The following PPP1R9A variants were observed in gnomAD, a reference collection of about 807,000 sequenced individuals.
PPP1R9A encodes protein phosphatase 1 regulatory subunit 9A, also known as neurabin-1.
PPP1R9A carries 59 observed loss-of-function variants against 141.9 expected under a neutral mutation model. The ratio of observed to expected loss-of-function variants is 0.42; its 90% CI spans 0.34 to 0.52. The LOEUF is 0.52. Among genes scored for constraint, PPP1R9A ranks in the 20% least tolerant of loss-of-function variants. PPP1R9A has a pLI of 0.10. For missense variants in PPP1R9A, 1,444 were observed against 1,611.9 expected, an observed-to-expected ratio of 0.90 and a Z score of 1.78; for synonymous variants, 500 against 569.7, an observed-to-expected ratio of 0.88 and a Z score of 1.74.
chr7:95,141,637 C>CT (rs36005027), intron 4 of PPP1R9A, among the ~76,000 whole-genome samples: 11 of 148,504 alleles, frequency 7.4e-5, no homozygotes, highest in Non-Finnish European at 1.2e-4. Flanking sequence ...TTGTGACTGG[C>CT]TTTTTTTTTT....
chr7:95,051,241 T>C (rs944210028), intron 2 of PPP1R9A, among the ~76,000 whole-genome samples: 1 of 152,126 alleles, frequency 6.6e-6, no homozygotes, highest in African/African-American at 2.4e-5. Context: ...TTGAAAAGAC[T>C]GTCTTTTCTC....
At chr7:94,943,264 G>C (rs568722765) in intron 2 of PPP1R9A, among the ~76,000 whole-genome samples, 3 of 152,180 alleles carry the variant, frequency 2.0e-5, no homozygotes, top group African/African-American at 7.2e-5. Flanking sequence ...TCCCCAGAGG[G>C]GTATAGCTTT....
intron 3 of PPP1R9A, among the ~76,000 whole-genome samples, chr7:95,113,866 G>A (rs1014255490): frequency 1.3e-5 from 2 of 152,018 alleles, no homozygotes; most frequent in African/African-American, 2.4e-5. Flanking sequence ...AAACTATGAA[G>A]TATTAAACAT....
rs754484538 is a variant in PPP1R9A, at chr7:94,910,153, A to T, written c.40A>T (p.Arg14Ter). The change falls in exon 2 of 20, where the codon AGA becomes TGA. Residue 14 changes from arginine to a stop codon, truncating the protein, a stop_gained. Coordinates refer to ENST00000433360, the MANE Select transcript of PPP1R9A (RefSeq NM_001166160.2). LOFTEE classifies it high-confidence loss of function. This position sits in a 1 kb window ranked among gnomAD's most constrained non-coding sequence, Gnocchi z 4.5. ...TESSGERTTLRSASPHRNAYR... is the reference protein window; with the variant it reads ...TESSGERTTL ...GTCTTCAGGTGAACGAACCACTCTC[A>T]GAAGTGCCTCTCCTCACAGGAATGC... 1 of 1,613,912 alleles carries T rather than the reference A, an allele frequency of 6.2e-7. No homozygotes were observed. The highest frequency in any genetic ancestry group is 8.5e-7 in the Non-Finnish European group (1 of 1,179,886).
chr7:94,984,263 G>A (rs1447477032), intron 2 of PPP1R9A, among the ~76,000 whole-genome samples: 4 of 152,168 alleles, frequency 2.6e-5, no homozygotes, highest in Non-Finnish European at 5.9e-5. Flanking sequence ...TTGCATCAAT[G>A]TTCGTCAGGG....
chr7:95,068,080 T>C (rs553014593), intron 2 of PPP1R9A, among the ~76,000 whole-genome samples: 1 of 151,830 alleles, frequency 6.6e-6, no homozygotes, highest in African/African-American at 2.4e-5. Flanking sequence ...AAAAAAAAAC[T>C]GGATATGTGG....
intron 16 of PPP1R9A, among the ~76,000 whole-genome samples, chr7:95,276,722 G>T (rs1333782693): frequency 6.6e-6 from 1 of 151,958 alleles, no homozygotes; most frequent in Non-Finnish European, 1.5e-5. Flanking sequence ...AATTATAGTA[G>T]AATTTTGGCA....
upstream of PPP1R9A, chr7:94,907,270 G>A (rs931945958): frequency 6.6e-6 from 1 of 152,310 alleles, no homozygotes; most frequent in Admixed American, 6.5e-5. Context: ...GACAGGAAAG[G>A]TAGAAGACCT....
intron 9 of PPP1R9A, 31 bp from the exon 10 acceptor site, chr7:95,249,995 T>G: frequency 6.5e-7 from 1 of 1,529,096 alleles, no homozygotes; most frequent in Non-Finnish European, 8.8e-7. Context: ...AGTGGCCAAA[T>G]TATCTTTGCC....
At chr7:95,016,652 G>GA (rs1805153578) in intron 2 of PPP1R9A, among the ~76,000 whole-genome samples, 1 of 152,064 alleles carries the variant, frequency 6.6e-6, no homozygotes, top group African/African-American at 2.4e-5. Flanking sequence ...ATTTATTAAA[G>GA]AAAAATTAGG....
At chr7:95,159,302 T>G (rs1401410874) in intron 4 of PPP1R9A, among the ~76,000 whole-genome samples, 1 of 152,218 alleles carries the variant, frequency 6.6e-6, no homozygotes, top group East Asian at 1.9e-4. Context: ...AAGAGAGGTA[T>G]ACATCATAAT....
At chr7:95,091,303 G>A (rs955221992) in intron 2 of PPP1R9A, among the ~76,000 whole-genome samples, 2 of 146,978 alleles carry the variant, frequency 1.4e-5, no homozygotes, top group African/African-American at 5.0e-5. Flanking sequence ...GTGTATTAGA[G>A]TGAGTTGGTC....
rs145494767 is a variant in PPP1R9A at position 95,169,557 on chromosome 7, G to A, written c.1754+7586G>A. Among the ~76,000 whole-genome samples, 163 of 152,032 alleles carry A rather than the reference G, an allele frequency of 1.1e-3. 3 individuals carry two copies. The East Asian group carries it at 0.03, about 28-fold the overall frequency. ...TGAAATGTTCCCAGCACGTAGAAAT[G>A]ATAAATAGTAGAGGTAATGAAGACT... is the stretch of plus-strand genomic sequence containing the variant. On this transcript the variant is annotated intron_variant, in intron 5 of 19. Coordinates refer to ENST00000433360, the MANE Select transcript of PPP1R9A (RefSeq NM_001166160.2).
chr7:94,956,676 C>G (rs539323342), intron 2 of PPP1R9A, among the ~76,000 whole-genome samples: 1 of 152,062 alleles, frequency 6.6e-6, no homozygotes, highest in South Asian at 2.1e-4. Flanking sequence ...CTACTGCACT[C>G]CAGCCTGGGC....
chr7:95,074,469 T>C (rs965527092), intron 2 of PPP1R9A, among the ~76,000 whole-genome samples: 1 of 112,512 alleles, frequency 8.9e-6, no homozygotes, highest in African/African-American at 3.7e-5. Flanking sequence ...TTTTTTGTTT[T>C]TTTTTTTTTT....
intron 2 of PPP1R9A, among the ~76,000 whole-genome samples, chr7:95,051,032 C>A (rs1233836958): frequency 2.0e-5 from 3 of 152,072 alleles, no homozygotes; most frequent in Non-Finnish European, 4.4e-5. Context: ...TCATCACTAT[C>A]CAGAGTTATC....
At chr7:95,165,031 A>T (rs1831035218) in intron 5 of PPP1R9A, among the ~76,000 whole-genome samples, 1 of 151,864 alleles carries the variant, frequency 6.6e-6, no homozygotes, top group Non-Finnish European at 1.5e-5. Flanking sequence ...GGCTGCTTCT[A>T]CCTTATCAAG....
At chr7:95,116,116 A>G (rs1821466406) in intron 3 of PPP1R9A, among the ~76,000 whole-genome samples, 2 of 152,148 alleles carry the variant, frequency 1.3e-5, no homozygotes, top group South Asian at 4.1e-4. Context: ...AAAGACTGTA[A>G]ATTAACACAT....
rs766589804 is a variant in PPP1R9A at position 95,273,906 on chromosome 7, C to T, written c.3132C>T (p.Ala1044=). 2.7e-6 allele frequency: 4 copies of T among 1,500,940 alleles called. No homozygotes were observed. The East Asian group carries it at 9.0e-5, about 34-fold the overall frequency. The allele number at this position is 1,500,940 out of a possible 1,614,324, so 93.0% of individuals were successfully genotyped here. The change falls in exon 15 of 20, where the codon GCC becomes GCT. Residue 1044 remains alanine, a synonymous_variant. Coordinates refer to ENST00000433360, the MANE Select transcript of PPP1R9A (RefSeq NM_001166160.2). The stretch of plus-strand genomic sequence containing the variant: ...CAAATGTGTATATCCTAGATGATGC[C>T]AAAGATCCCAAATCACTAAGGGCAT... ...NKKILREKDD[A]KDPKSLRASS...
Sources: gnomAD v4.1 joint callset for allele counts (sites outside exome capture counted in the v4.1 genomes callset) on GRCh38, gnomAD v4.1.1 for gene constraint, Gnocchi (gnomAD v3.1) non-coding constraint, MANE v1.5 for transcripts, NCBI Gene and HGNC (gene_info 2026-07-23, HGNC 2026-07-21) for gene names.